The following SCFD2 variants were observed in gnomAD, a reference collection of about 807,000 sequenced individuals.
SCFD2 encodes sec1 family domain-containing protein 2.
SCFD2 carries 54 observed loss-of-function variants against 58.9 expected under a neutral mutation model. The observed-to-expected ratio is 0.92, with a 90% CI of 0.74 to 1.15. The LOEUF is 1.15. Ranked by LOEUF, SCFD2 falls within the 50% of genes most tolerant of loss-of-function variation. The pLI is 0.00. For synonymous variants in SCFD2, 321 were observed against 335.9 expected (o/e 0.96, Z 0.49); for missense variants, 805 against 836.6 (o/e 0.96, Z 0.47).
chr4:53,038,970 G>A (rs191130982), intron 5 of SCFD2, among the ~76,000 whole-genome samples: 2 of 152,204 alleles, frequency 1.3e-5, no homozygotes, highest in African/African-American at 2.4e-5. Flanking sequence ...AATTATAGGC[G>A]TGAGTCACCA....
At chr4:52,988,496 T>C (rs963942326) in intron 5 of SCFD2, among the ~76,000 whole-genome samples, 2 of 152,202 alleles carry the variant, frequency 1.3e-5, no homozygotes, top group South Asian at 4.1e-4. Context: ...TAAGTTTGAG[T>C]GATGAAGTCT....
At chr4:52,889,041 G>A (rs776275906) in intron 7 of SCFD2, among the ~76,000 whole-genome samples, 8 of 152,162 alleles carry the variant, frequency 5.3e-5, no homozygotes, top group Non-Finnish European at 4.4e-5. Context: ...CCAGGCACAT[G>A]AGAGACATCT....
rs144277748 is a variant in SCFD2, at chr4:53,076,624, G to A, written c.1561+68709C>T. ...GAAAATGAGGTGGACGGACCAATCA[G>A]TGGCAAAAGCAGTAATTTTAAAAGC... On this transcript the variant is annotated intron_variant, in intron 5 of 8. Transcript: ENST00000401642. Among the ~76,000 whole-genome samples the A allele has an allele frequency of 1.1e-4, 16 of 152,298 alleles. No individual in the cohort carries two copies. The East Asian group carries it at 2.3e-3, about 22-fold the overall frequency.
rs367752642 is a variant in SCFD2 at position 53,139,603 on chromosome 4, C to T, written c.1561+5730G>A. ...TCCGGGAGGTGGGGGGCAGCCCCCG[C>T]CCGGCTGCTGCCCCGTCTGGGAGGT... On this transcript the variant is annotated intron_variant, in intron 5 of 8. Transcript: ENST00000401642. 2.6e-5 allele frequency among the ~76,000 whole-genome samples: 4 copies of T among 151,042 alleles called. No individual in the cohort carries two copies. In the East Asian group the frequency reaches 8.0e-4, roughly 30 times the overall value.
intron 5 of SCFD2, among the ~76,000 whole-genome samples, chr4:52,963,857 A>T (rs904167671): frequency 2.0e-5 from 3 of 152,210 alleles, no homozygotes; most frequent in Non-Finnish European, 4.4e-5. Context: ...GTTGGACAAG[A>T]AGCAATGGCT....
At chr4:53,272,380 C>T (rs1420371367) in intron 4 of SCFD2, among the ~76,000 whole-genome samples, 24 of 152,152 alleles carry the variant, frequency 1.6e-4, no homozygotes, top group Admixed American at 7.2e-4. Flanking sequence ...GAAATCATGC[C>T]GCTATAAAGA....
At chr4:53,057,168 C>T (rs1365536432) in intron 5 of SCFD2, among the ~76,000 whole-genome samples, 2 of 151,948 alleles carry the variant, frequency 1.3e-5, no homozygotes, top group Non-Finnish European at 2.9e-5. Context: ...TGGGTATATA[C>T]CCAAAGGAAT....
chr4:53,294,605 G>A (rs1731957256), intron 3 of SCFD2, among the ~76,000 whole-genome samples: 1 of 152,164 alleles, frequency 6.6e-6, no homozygotes, highest in African/African-American at 2.4e-5. Context: ...TAACTCTGAT[G>A]ATAGTTTTTC....
At chr4:53,173,776 G>A (rs1459278089) in intron 4 of SCFD2, among the ~76,000 whole-genome samples, 8 of 151,920 alleles carry the variant, frequency 5.3e-5, no homozygotes, top group African/African-American at 1.7e-4. Flanking sequence ...GTTACCATGA[G>A]GCTTATGTAA....
Position 53,365,268 on chromosome 4 carries a change from GA to G in SCFD2, c.673del (p.Ser225LeufsTer6). On this transcript the variant is annotated frameshift_variant, in exon 1 of 9. Coordinates refer to ENST00000401642, the MANE Select transcript of SCFD2 (RefSeq NM_152540.4). LOFTEE classifies it high-confidence loss of function. The surrounding 1 kb of genome is among the most constrained non-coding windows in gnomAD (Gnocchi z 4.3). Reference protein sequence around the residue: ...QIRCLVSGLSSLCEHLGVREE... With the variant: ...QIRCLVSGLSXLCEHLGVREE... ...CCGTACTCCTAAATGTTCACACAGAGAACTGAGGCCTGACACTAGGCATCTG... is the reference window on the plus strand; with the variant it reads ...CCGTACTCCTAAATGTTCACACAGAGACTGAGGCCTGACACTAGGCATCTG... 1 of 1,614,198 alleles carries G rather than the reference GA, an allele frequency of 6.2e-7. No individual in the cohort carries two copies. Among genetic ancestry groups the G allele is most frequent in the Non-Finnish European group, 8.5e-7 (1 of 1,180,040 alleles).
chr4:53,273,323 T>C (rs1731230352), intron 4 of SCFD2, among the ~76,000 whole-genome samples: 1 of 152,142 alleles, frequency 6.6e-6, no homozygotes, highest in Non-Finnish European at 1.5e-5. Flanking sequence ...ATTTCATCAG[T>C]CATGAAAAGT....
rs6823332 is a variant in SCFD2, at chr4:53,363,006, T to C, written c.838+2098A>G. 2.8e-4 allele frequency among the ~76,000 whole-genome samples: 43 copies of C among 152,212 alleles called. 1 individual carries two copies. The highest frequency in any genetic ancestry group is 8.7e-4 in the African/African-American group (36 of 41,452). On this transcript the variant is annotated intron_variant, in intron 1 of 8. Coordinates refer to ENST00000401642, the MANE Select transcript of SCFD2 (RefSeq NM_152540.4). ...GTGGCTTATATTTTCTCAGTGATATTAGAAGCGAGAAAAGTGAGTATGGGG... is the reference window on the plus strand; with the variant it reads ...GTGGCTTATATTTTCTCAGTGATATCAGAAGCGAGAAAAGTGAGTATGGGG...
intron 5 of SCFD2, among the ~76,000 whole-genome samples, chr4:53,089,958 T>G (rs1307805736): frequency 2.6e-5 from 4 of 152,220 alleles, no homozygotes; most frequent in Non-Finnish European, 5.9e-5. Context: ...TAAAGACATC[T>G]GTGCCAAAAT....
intron 5 of SCFD2, among the ~76,000 whole-genome samples, chr4:52,989,897 A>T (rs2109580950): frequency 6.7e-6 from 1 of 150,306 alleles, no homozygotes; most frequent in East Asian, 2.0e-4. Flanking sequence ...TCCTTCTTTG[A>T]CTCTCTTCCT....
chr4:53,218,477 T>C lies in SCFD2; in HGVS notation c.1311+55349A>G, dbSNP rs548796229. ...CATTCGTCACATGGTTCTCATGTCA[T>C]GGTTTTCAGCTCCATCAGGTCCTTT... On this transcript the variant is annotated intron_variant, in intron 4 of 8. Coordinates refer to ENST00000401642, the MANE Select transcript of SCFD2 (RefSeq NM_152540.4). Among the ~76,000 whole-genome samples, 62 of 152,362 alleles carry C rather than the reference T, an allele frequency of 4.1e-4. 1 individual carries two copies. The South Asian group carries it at 0.012, about 28-fold the overall frequency.
chr4:52,897,586 A>T (rs553442908), intron 7 of SCFD2, among the ~76,000 whole-genome samples: 67 of 152,278 alleles, frequency 4.4e-4, no homozygotes, highest in African/African-American at 1.5e-3. Flanking sequence ...TTTTTGCATC[A>T]ATGTTCATCA....
At chr4:53,143,877 A>G (rs1284050406) in intron 5 of SCFD2, among the ~76,000 whole-genome samples, 1 of 152,094 alleles carries the variant, frequency 6.6e-6, no homozygotes, top group Non-Finnish European at 1.5e-5. Flanking sequence ...CACATTTCAC[A>G]TAGAACTTTT....
intron 7 of SCFD2, among the ~76,000 whole-genome samples, chr4:52,891,319 G>A (rs898248226): frequency 1.3e-5 from 2 of 152,214 alleles, no homozygotes; most frequent in African/African-American, 4.8e-5. Flanking sequence ...TGTTTTAGTG[G>A]AGGGAGAGTG....
chr4:53,060,605 A>C (rs1723482014), intron 5 of SCFD2, among the ~76,000 whole-genome samples: 1 of 152,152 alleles, frequency 6.6e-6, no homozygotes. Flanking sequence ...TGATATCTCA[A>C]CATACTGAAT....
Sources: gnomAD v4.1 joint callset for allele counts (sites outside exome capture counted in the v4.1 genomes callset) on GRCh38, gnomAD v4.1.1 for gene constraint, Gnocchi (gnomAD v3.1) non-coding constraint, MANE v1.5 for transcripts, NCBI Gene and HGNC (gene_info 2026-07-23, HGNC 2026-07-21) for gene names.